Variants in ANP32A observed in about 807,000 individuals in gnomAD.
ANP32A encodes acidic leucine-rich nuclear phosphoprotein 32 family member A.
A neutral mutation model predicts 33.9 loss-of-function variants in ANP32A; 1 was observed. The observed-to-expected ratio is 0.03, with a 90% confidence interval of 0.01 to 0.14. The LOEUF (loss-of-function observed/expected upper bound fraction) is 0.14, where lower values mean the gene tolerates loss of function less well. ANP32A is among the 10% of genes least tolerant of loss of function. ANP32A has a pLI of 1.00. For synonymous variants in ANP32A, 115 were observed against 120.5 expected, an observed-to-expected ratio of 0.95 and a Z score of 0.30; for missense variants, 155 against 306.0, an observed-to-expected ratio of 0.51 and a Z score of 3.68.
intron 1 of ANP32A, chr15:68,790,411 G>C (rs942164422): frequency 1.3e-5 from 2 of 152,160 alleles, no homozygotes; most frequent in African/African-American, 4.8e-5. Context: ...GCTGGGGTAG[G>C]CTGCCTAGGA....
intron 1 of ANP32A, among the ~76,000 whole-genome samples, chr15:68,803,379 A>G (rs1447122247): frequency 3.3e-5 from 5 of 152,248 alleles, no homozygotes; most frequent in African/African-American, 1.2e-4. Context: ...AGGCAAAGGC[A>G]CTGCATTGCC....
chr15:68,780,211 GAGAAGTCAGGGGACCC>G lies in ANP32A; in HGVS notation c.689-85_689-70del. On this transcript the variant is annotated intron_variant, in intron 6 of 6. Transcript: ENST00000465139. The surrounding 1 kb of genome is among the most constrained non-coding windows in gnomAD (Gnocchi z 4.3). ...ACCTCTTTAACTCAACCCACCCAGT[GAGAAGTCAGGGGACCC>G]ATGACTAGCAAGCTGTGCCATCCTT... 6.3e-7 allele frequency: 1 copy of G among 1,594,546 alleles called. No homozygotes were observed. Among genetic ancestry groups the G allele is most frequent in the South Asian group, 1.1e-5 (1 of 89,918 alleles).
chr15:68,804,038 G>T (rs1356022079), intron 1 of ANP32A, among the ~76,000 whole-genome samples: 1 of 152,004 alleles, frequency 6.6e-6, no homozygotes, highest in Admixed American at 6.6e-5. Context: ...CTGACTTCAT[G>T]ATCCACCCAC....
intron 1 of ANP32A, among the ~76,000 whole-genome samples, chr15:68,796,707 T>C (rs1365496971): frequency 6.6e-6 from 1 of 152,154 alleles, no homozygotes; most frequent in South Asian, 2.1e-4. Flanking sequence ...CACAGAATGC[T>C]TGTCAGGCAC....
intron 1 of ANP32A, among the ~76,000 whole-genome samples, chr15:68,810,031 A>C (rs762160631): frequency 9.8e-5 from 15 of 152,322 alleles, no homozygotes; most frequent in Admixed American, 1.3e-4. Context: ...TCTAAACCTG[A>C]CGGAGGAGGC....
At chr15:68,809,688 CG>C (rs1256927779) in intron 1 of ANP32A, among the ~76,000 whole-genome samples, 1 of 152,098 alleles carries the variant, frequency 6.6e-6, no homozygotes, top group Non-Finnish European at 1.5e-5. Context: ...CACCAGCGGG[CG>C]TGGGGGTGCG....
intron 1 of ANP32A, among the ~76,000 whole-genome samples, chr15:68,799,651 T>G (rs1002030058): frequency 6.6e-6 from 1 of 152,176 alleles, no homozygotes; most frequent in Non-Finnish European, 1.5e-5. Flanking sequence ...AAGGCTGTGC[T>G]GATAGGAACA....
intron 1 of ANP32A, among the ~76,000 whole-genome samples, chr15:68,805,955 C>T (rs1164804258): frequency 6.6e-6 from 1 of 152,146 alleles, no homozygotes; most frequent in East Asian, 1.9e-4. Flanking sequence ...AGTACAGAGT[C>T]GGCATTCATC....
At chr15:68,785,038 A>C (rs1168804339) in intron 3 of ANP32A, among the ~76,000 whole-genome samples, 1 of 152,204 alleles carries the variant, frequency 6.6e-6, no homozygotes, top group Non-Finnish European at 1.5e-5. Context: ...GATGATGATA[A>C]GGGCGGTTAA....
At chr15:68,787,260 T>G (rs1263291780) in intron 3 of ANP32A, 153 bp downstream of exon 3, 1 of 1,113,322 alleles carries the variant, frequency 9.0e-7, no homozygotes, top group African/African-American at 1.6e-5. Context: ...CTCTATGGAC[T>G]CAGCAGAAAC....
At chr15:68,814,574 G>A (rs952950985) in intron 1 of ANP32A, among the ~76,000 whole-genome samples, 5 of 152,144 alleles carry the variant, frequency 3.3e-5, no homozygotes, top group Admixed American at 2.6e-4. Context: ...TCATAACACA[G>A]GCTGCTGTTA....
At position 68,813,868 on chromosome 15, in the gene ANP32A, GTTTTTTTT is replaced by G. The variant is rs34385351; in HGVS notation, c.54+6822_54+6829del. Reference sequence around the variant, plus strand: ...GAGTATCCTACACAATTTCCAGGAAGTTTTTTTTTTTTTTTTTTTGAGACGGAGTCTCG... The same window carrying G: ...GAGTATCCTACACAATTTCCAGGAAGTTTTTTTTTTTGAGACGGAGTCTCG... On this transcript the variant is annotated intron_variant, in intron 1 of 6. Transcript: ENST00000465139. Among the ~76,000 whole-genome samples, 769 of 118,342 alleles carry G rather than the reference GTTTTTTTT, an allele frequency of 6.5e-3. 5 individuals carry two copies. Among genetic ancestry groups the G allele is most frequent in the African/African-American group, 0.019 (581 of 30,894 alleles). The allele number at this position is 118,342 out of a possible 152,430, so 77.6% of individuals were successfully genotyped here.
chr15:68,813,293 A>T lies in ANP32A; in HGVS notation c.54+7405T>A, dbSNP rs141754048. Among the ~76,000 whole-genome samples, 80 of 152,322 alleles carry T rather than the reference A, an allele frequency of 5.3e-4. 1 individual carries two copies. The East Asian group carries it at 0.015, about 28-fold the overall frequency. ...GACTTTTATCTTCCTTAGAGTCTGT[A>T]TATCATCAGGACAACTAGTTCTAGA... is the stretch of plus-strand genomic sequence containing the variant. On this transcript the variant is annotated intron_variant, in intron 1 of 6. Transcript: ENST00000465139.
Position 68,796,934 on chromosome 15 carries a change from G to A in ANP32A, c.55-9015C>T, listed in dbSNP as rs117762253. ...CACATTCAAACTCAGTCACTGTTCCGGAAAGAACGTGGCCAATTTCATGGG... is the reference window on the plus strand; with the variant it reads ...CACATTCAAACTCAGTCACTGTTCCAGAAAGAACGTGGCCAATTTCATGGG... On this transcript the variant is annotated intron_variant, in intron 1 of 6. Coordinates refer to ENST00000465139, the MANE Select transcript of ANP32A (RefSeq NM_006305.4). Among the ~76,000 whole-genome samples, 705 of 152,150 alleles carry A rather than the reference G, an allele frequency of 4.6e-3. 2 individuals carry two copies. The highest frequency in any genetic ancestry group is 0.01 in the Middle Eastern group (3 of 294).
intron 1 of ANP32A, chr15:68,790,612 T>A (rs1413921295): frequency 6.6e-6 from 1 of 152,184 alleles, no homozygotes; most frequent in Non-Finnish European, 1.5e-5. Flanking sequence ...TCATACACAG[T>A]CTCGTTTAAT....
rs976752791 is a variant in ANP32A, at chr15:68,787,975, G to A, written c.55-56C>T. On this transcript the variant is annotated intron_variant, in intron 1 of 6. Transcript: ENST00000465139. ...CTGAGGAATGGGGCTGAAGCAGGGG[G>A]AGGGTGTTAGAGGACTCCTCAGAGA... is the stretch of plus-strand genomic sequence containing the variant. The A allele has an allele frequency of 3.7e-6, 6 of 1,605,264 alleles. No homozygotes were observed. In the South Asian group the frequency reaches 6.6e-5, roughly 18 times the overall value.
chr15:68,797,131 A>G (rs1894073612), intron 1 of ANP32A, among the ~76,000 whole-genome samples: 1 of 152,180 alleles, frequency 6.6e-6, no homozygotes, highest in Non-Finnish European at 1.5e-5. Context: ...AATTACAACA[A>G]GTTTTTAAAA....
At chr15:68,803,963 A>G (rs1200198993) in intron 1 of ANP32A, among the ~76,000 whole-genome samples, 1 of 151,778 alleles carries the variant, frequency 6.6e-6, no homozygotes, top group Non-Finnish European at 1.5e-5. Flanking sequence ...CACCAAGCCC[A>G]GTTAATTTTT....
At chr15:68,801,393 G>C (rs1320923681) in intron 1 of ANP32A, among the ~76,000 whole-genome samples, 1 of 151,968 alleles carries the variant, frequency 6.6e-6, no homozygotes, top group Non-Finnish European at 1.5e-5. Flanking sequence ...CGGAAGATCT[G>C]GTTTGGTTTC....
Sources: gnomAD v4.1 joint callset for allele counts (sites outside exome capture counted in the v4.1 genomes callset) on GRCh38, gnomAD v4.1.1 for gene constraint, Gnocchi (gnomAD v3.1) non-coding constraint, MANE v1.5 for transcripts, NCBI Gene and HGNC (gene_info 2026-07-23, HGNC 2026-07-21) for gene names.